CLEC6A: variants seen among roughly 807,000 people sequenced by gnomAD.
CLEC6A encodes the protein C-type lectin domain family 6 member A.
CLEC6A carries 22 observed loss-of-function variants against 25.7 expected under a neutral mutation model. The observed-to-expected ratio is 0.85, with a 90% confidence interval of 0.61 to 1.22. CLEC6A has a LOEUF of 1.22. Among genes scored for constraint, CLEC6A ranks in the 50% most tolerant of loss-of-function variants. The pLI is 0.00. For missense variants in CLEC6A, 240 were observed against 236.8 expected, an observed-to-expected ratio of 1.01 and a Z score of -0.09; for synonymous variants, 92 against 76.7, an observed-to-expected ratio of 1.20 and a Z score of -1.04.
At chr12:8,463,951 T>C (rs1183146588) in intron 3 of CLEC6A, among the ~76,000 whole-genome samples, 2 of 152,236 alleles carry the variant, frequency 1.3e-5, no homozygotes, top group African/African-American at 4.8e-5. Context: ...CAAAAAATGT[T>C]TGGTGTACAT....
At chr12:8,470,352 A>ACCACTGTG (rs1218781485) in intron 4 of CLEC6A, among the ~76,000 whole-genome samples, 1 of 152,150 alleles carries the variant, frequency 6.6e-6, no homozygotes, top group Non-Finnish European at 1.5e-5. Context: ...AACTAGTACA[A>ACCACTGTG]CCACTGTGGA....
intron 1 of CLEC6A, among the ~76,000 whole-genome samples, chr12:8,457,629 A>T (rs765725829): frequency 1.5e-4 from 23 of 152,218 alleles, no homozygotes; most frequent in Non-Finnish European, 3.1e-4. Flanking sequence ...TTGAGAAACG[A>T]AATCAATGGA....
chr12:8,458,832 G>A (rs10743394), intron 2 of CLEC6A, among the ~76,000 whole-genome samples: 111,818 of 151,642 alleles, frequency 0.74, 41,900 homozygotes, highest in East Asian at 0.99. Context: ...GAAAGATTTG[G>A]TTGTATTGAG....
At position 8,477,525 on chromosome 12, in the gene CLEC6A, T is replaced by A; in HGVS notation, c.*61T>A. 1 of 1,313,396 alleles carries A rather than the reference T, an allele frequency of 7.6e-7. No homozygotes were observed. Among genetic ancestry groups the A allele is most frequent in the Non-Finnish European group, 1.1e-6 (1 of 949,248 alleles). The allele number at this position is 1,313,396 out of a possible 1,614,324, so 81.4% of individuals were successfully genotyped here. On this transcript the variant is annotated 3_prime_UTR_variant, in exon 6 of 6. Transcript: ENST00000382073. ...GACGTAATTTTTTCCCTGACGTCTT[T>A]AAAATTGAACCCTATCATGAAATGA...
chr12:8,462,073 G>A (rs4883151), intron 3 of CLEC6A, among the ~76,000 whole-genome samples: 117,257 of 152,060 alleles, frequency 0.77, 45,645 homozygotes, highest in East Asian at 0.99. Flanking sequence ...CCCCAACCCC[G>A]TGCTCTCTGA....
At chr12:8,473,933 G>C (rs1419430402) in intron 4 of CLEC6A, among the ~76,000 whole-genome samples, 1 of 151,912 alleles carries the variant, frequency 6.6e-6, no homozygotes, top group African/African-American at 2.4e-5. Context: ...TTTGTTTCTT[G>C]TTTGTTCAAT....
At chr12:8,460,300 A>G (rs909173379) in intron 3 of CLEC6A, among the ~76,000 whole-genome samples, 5 of 152,208 alleles carry the variant, frequency 3.3e-5, no homozygotes, top group African/African-American at 1.2e-4. Flanking sequence ...AGACCTCACA[A>G]TCATGGTGGA....
intron 5 of CLEC6A, 65 bp downstream of exon 5, chr12:8,476,305 A>G (rs1284207990): frequency 5.9e-6 from 5 of 849,340 alleles, no homozygotes; most frequent in Admixed American, 2.1e-5. Flanking sequence ...GGAGTTACTA[A>G]TAATGTTAAT....
At chr12:8,466,349 G>T (rs1235477638) in intron 4 of CLEC6A, among the ~76,000 whole-genome samples, 2 of 152,112 alleles carry the variant, frequency 1.3e-5, no homozygotes, top group African/African-American at 4.8e-5. Flanking sequence ...AATGAATGTG[G>T]GTGGGCAAAT....
intron 2 of CLEC6A, 88 bp downstream of exon 2, chr12:8,458,075 CA>C: frequency 1.2e-6 from 1 of 857,838 alleles, no homozygotes; most frequent in Admixed American, 2.1e-5. Flanking sequence ...TCCTTTGCCC[CA>C]TTAATACGTC....
intron 4 of CLEC6A, among the ~76,000 whole-genome samples, chr12:8,467,743 G>C (rs7963053): frequency 4.6e-5 from 7 of 152,060 alleles, no homozygotes; most frequent in African/African-American, 1.7e-4. Context: ...ATTTTGGTAG[G>C]GATCACATTG....
Position 8,459,717 on chromosome 12 carries a change from G to T in CLEC6A, c.223+19G>T, listed in dbSNP as rs749948176. On this transcript the variant is annotated intron_variant, in intron 3 of 5. Coordinates refer to ENST00000382073, the MANE Select transcript of CLEC6A (RefSeq NM_001007033.2). ...GTGCCAGGTAAATCTTTAAAATACT[G>T]AAATAGACTTTCTTTTTTCTCAGGG... is the stretch of plus-strand genomic sequence containing the variant. The T allele has an allele frequency of 1.3e-6, 2 of 1,485,748 alleles. No individual in the cohort carries two copies. The highest frequency in any genetic ancestry group is 1.9e-6 in the Non-Finnish European group (2 of 1,063,078). The allele number at this position is 1,485,748 out of a possible 1,614,324, so 92.0% of individuals were successfully genotyped here. A position where few individuals can be genotyped will look rare whatever the true frequency, so the allele number is the denominator to read the frequency against.
intron 3 of CLEC6A, chr12:8,460,729 AG>A: frequency 6.8e-7 from 1 of 1,460,924 alleles, no homozygotes. Flanking sequence ...TGCTCTCCAC[AG>A]GGCTCCCCAC....
intron 1 of CLEC6A, among the ~76,000 whole-genome samples, 171 bp downstream of exon 1, chr12:8,456,313 C>A (rs930625526): frequency 2.0e-5 from 3 of 152,134 alleles, no homozygotes; most frequent in African/African-American, 7.2e-5. Context: ...GCCATAAGCA[C>A]TTGAAAGAAT....
At chr12:8,465,161 G>T (rs7315590) in intron 3 of CLEC6A, among the ~76,000 whole-genome samples, 116,282 of 151,972 alleles carry the variant, frequency 0.77, 45,100 homozygotes, top group East Asian at 0.99. Context: ...TTCTAGGTTC[G>T]TCTGTGTTAG....
chr12:8,476,187 A>G lies in CLEC6A; in HGVS notation c.432A>G (p.Gln144=), dbSNP rs1319174637. The change falls in exon 5 of 6, where the codon CAA becomes CAG. Residue 144 remains glutamine (Q), a synonymous_variant. Coordinates refer to ENST00000382073, the MANE Select transcript of CLEC6A (RefSeq NM_001007033.2). The part of the protein sequence containing the change: ...FSYFLGLSDP[Q]GNNNWQWIDK... ...ATTTTCTGGGGCTTTCAGACCCACA[A>G]GGTAATAATAATTGGCAATGGATTG... 1.9e-6 allele frequency: 3 copies of G among 1,610,360 alleles called. No individual in the cohort carries two copies. The highest frequency in any genetic ancestry group is 1.7e-5 in the Admixed American group (1 of 59,914).
Position 8,476,249 on chromosome 12 carries a change from A to C in CLEC6A, c.485+9A>C. 1.4e-6 allele frequency: 2 copies of C among 1,467,778 alleles called. No homozygotes were observed. Among genetic ancestry groups the C allele is most frequent in the Non-Finnish European group, 1.9e-6 (2 of 1,059,852 alleles). 90.9% of individuals were successfully genotyped at this position (1,467,778 alleles called of 1,614,324 possible). A position where few individuals can be genotyped will look rare whatever the true frequency, so the allele number is the denominator to read the frequency against. ...TATGAGAAAAATGTCAGGTGAGTGC[A>C]GTTCTGGGGCCTTGTTTACATAGAA... On this transcript the variant is annotated intron_variant, in intron 5 of 5. Coordinates refer to ENST00000382073, the MANE Select transcript of CLEC6A (RefSeq NM_001007033.2).
chr12:8,470,907 T>A (rs781063817), intron 4 of CLEC6A, among the ~76,000 whole-genome samples: 18 of 152,108 alleles, frequency 1.2e-4, no homozygotes, highest in African/African-American at 4.3e-4. Flanking sequence ...ATAAAAAAAA[T>A]TGAGTATGAT....
intron 3 of CLEC6A, among the ~76,000 whole-genome samples, chr12:8,462,641 C>T (rs1302498443): frequency 2.0e-5 from 3 of 149,790 alleles, no homozygotes; most frequent in East Asian, 3.9e-4. Context: ...CCTTTGTTCA[C>T]GTGTTTATCT....
Sources: gnomAD v4.1 joint callset for allele counts (sites outside exome capture counted in the v4.1 genomes callset) on GRCh38, gnomAD v4.1.1 for gene constraint, MANE v1.5 for transcripts, NCBI Gene and HGNC (gene_info 2026-07-23, HGNC 2026-07-21) for gene names.